Variants in RIT2 observed in about 807,000 individuals in gnomAD.
RIT2 encodes GTP-binding protein Rit2.
RIT2 carries 24 observed loss-of-function variants against 23.7 expected under a neutral mutation model. That is an observed-to-expected ratio of 1.01 (90% CI 0.73 to 1.43). The LOEUF (loss-of-function observed/expected upper bound fraction) is 1.43, where lower values mean the gene tolerates loss of function less well. Among genes scored for constraint, RIT2 ranks in the 40% most tolerant of loss-of-function variants. The pLI, the probability that RIT2 is intolerant of heterozygous loss-of-function variation, is 0.00. For synonymous variants in RIT2, 107 were observed against 91.1 expected, an observed-to-expected ratio of 1.17 and a Z score of -0.99; for missense variants, 236 against 266.9, an observed-to-expected ratio of 0.88 and a Z score of 0.81.
chr18:42,905,994 A>ATATATATATATACATATATATATATATG (rs1231373257), intron 4 of RIT2, among the ~76,000 whole-genome samples: 2 of 8,144 alleles, frequency 2.5e-4, no homozygotes, highest in Non-Finnish European at 1.7e-3. Context: ...ATATATATGT[A>ATATATATATATACATATATATATATATG]TATATATATA....
chr18:43,064,182 T>C (rs908834727), intron 1 of RIT2, among the ~76,000 whole-genome samples: 2 of 152,152 alleles, frequency 1.3e-5, no homozygotes, highest in Non-Finnish European at 2.9e-5. Flanking sequence ...CTTGGATTTG[T>C]TGAAGGAAAG....
intron 4 of RIT2, among the ~76,000 whole-genome samples, chr18:42,776,864 A>T (rs542497788): frequency 6.6e-6 from 1 of 152,214 alleles, no homozygotes; most frequent in Non-Finnish European, 1.5e-5. Context: ...TAACATTATC[A>T]GAGTTACATT....
rs1042272423 is a variant in RIT2, at chr18:43,019,797, C to T, written c.160+14014G>A. On this transcript the variant is annotated intron_variant, in intron 2 of 4. Transcript: ENST00000326695. ...TATATTTAGAAAACCCTAAAGACTC[C>T]GCTAGAATACACTTAGATCTGATAA... is the stretch of plus-strand genomic sequence containing the variant. Among the ~76,000 whole-genome samples the T allele has an allele frequency of 2.0e-4, 30 of 152,038 alleles. 1 individual carries two copies. The highest frequency in any genetic ancestry group is 5.5e-4 in the African/African-American group (23 of 41,500).
At position 42,981,416 on chromosome 18, in the gene RIT2, G is replaced by A. The variant is rs115241688; in HGVS notation, c.161-7269C>T. On this transcript the variant is annotated intron_variant, in intron 2 of 4. Transcript: ENST00000326695. ...CTTCATCCTCATCTGATGGACCCTCGGAGAGGATTCCAATGTACCTCTGAT... is the reference window on the plus strand; with the variant it reads ...CTTCATCCTCATCTGATGGACCCTCAGAGAGGATTCCAATGTACCTCTGAT... 6.1e-3 allele frequency among the ~76,000 whole-genome samples: 925 copies of A among 152,116 alleles called. 4 individuals are homozygous for A. The highest frequency in any genetic ancestry group is 0.021 in the African/African-American group (866 of 41,500).
chr18:42,980,238 C>T (rs193120645), intron 2 of RIT2, among the ~76,000 whole-genome samples: 15 of 152,136 alleles, frequency 9.9e-5, no homozygotes, highest in Non-Finnish European at 1.5e-5. Context: ...CCACAAGGAC[C>T]TAAACCCTAG....
At chr18:42,991,413 T>C (rs1417020670) in intron 2 of RIT2, among the ~76,000 whole-genome samples, 3 of 152,194 alleles carry the variant, frequency 2.0e-5, no homozygotes, top group East Asian at 3.9e-4. Context: ...GGAAGTGTAC[T>C]CTCAAAATTC....
intron 4 of RIT2, among the ~76,000 whole-genome samples, chr18:42,858,515 C>T (rs1257005117): frequency 6.6e-6 from 1 of 152,082 alleles, no homozygotes; most frequent in Non-Finnish European, 1.5e-5. Flanking sequence ...GGAAACTTGC[C>T]CCATTAGAAT....
chr18:42,858,253 T>G (rs554500037), intron 4 of RIT2, among the ~76,000 whole-genome samples: 4 of 152,240 alleles, frequency 2.6e-5, no homozygotes, highest in African/African-American at 9.6e-5. Context: ...TATCAGGTGA[T>G]AATATATGAA....
chr18:42,954,017 C>A (rs969770052), intron 3 of RIT2, among the ~76,000 whole-genome samples: 1 of 151,924 alleles, frequency 6.6e-6, no homozygotes, highest in Non-Finnish European at 1.5e-5. Flanking sequence ...TCTGAGGTTG[C>A]AAGAAAAATA....
At chr18:42,763,230 AG>A (rs1300325698) in intron 4 of RIT2, among the ~76,000 whole-genome samples, 1 of 152,212 alleles carries the variant, frequency 6.6e-6, no homozygotes, top group Non-Finnish European at 1.5e-5. Context: ...TGGGAGGCCA[AG>A]GCAGGTGGAT....
intron 2 of RIT2, among the ~76,000 whole-genome samples, chr18:42,985,413 T>A (rs1910687349): frequency 6.6e-6 from 1 of 152,146 alleles, no homozygotes; most frequent in Non-Finnish European, 1.5e-5. Context: ...CACCAACTGA[T>A]TCTAAATTTA....
chr18:42,903,786 C>T (rs1429937418), intron 4 of RIT2, among the ~76,000 whole-genome samples: 2 of 151,924 alleles, frequency 1.3e-5, no homozygotes, highest in African/African-American at 4.8e-5. Context: ...TACCTTGATG[C>T]CAAAATGGAC....
At chr18:42,957,929 T>C (rs914005387) in intron 3 of RIT2, among the ~76,000 whole-genome samples, 3 of 152,310 alleles carry the variant, frequency 2.0e-5, no homozygotes, top group South Asian at 2.1e-4. Flanking sequence ...AGTTCAGGTA[T>C]AGCAGAGTGC....
chr18:42,866,251 T>C (rs1367064385), intron 4 of RIT2, among the ~76,000 whole-genome samples: 3 of 152,200 alleles, frequency 2.0e-5, no homozygotes, highest in Admixed American at 6.5e-5. Flanking sequence ...TTGTTATCAA[T>C]CCTTAAGATA....
chr18:42,881,361 T>C (rs1701044730), intron 4 of RIT2, among the ~76,000 whole-genome samples: 1 of 152,202 alleles, frequency 6.6e-6, no homozygotes, highest in South Asian at 2.1e-4. Context: ...AGATTCAAAT[T>C]TTTACCCCTT....
At chr18:42,754,768 GGAT>G (rs1435684723) in intron 4 of RIT2, among the ~76,000 whole-genome samples, 1 of 152,146 alleles carries the variant, frequency 6.6e-6, no homozygotes, top group Non-Finnish European at 1.5e-5. Context: ...TATTTAATTT[GGAT>G]GATGATGAAA....
At chr18:43,031,113 A>G (rs1226694045) in intron 2 of RIT2, among the ~76,000 whole-genome samples, 2 of 150,402 alleles carry the variant, frequency 1.3e-5, no homozygotes, top group East Asian at 4.0e-4. Flanking sequence ...AAAATGCCCC[A>G]GCTTTGTCAC....
At chr18:42,945,740 A>C (rs1470491600) in intron 3 of RIT2, among the ~76,000 whole-genome samples, 2 of 152,098 alleles carry the variant, frequency 1.3e-5, no homozygotes, top group Non-Finnish European at 2.9e-5. Flanking sequence ...AGACTTGTGC[A>C]AGGACGCATC....
At position 42,907,146 on chromosome 18, in the gene RIT2, T is replaced by C. The variant is rs141878670; in HGVS notation, c.426+16426A>G. 6.1e-3 allele frequency among the ~76,000 whole-genome samples: 930 copies of C among 152,292 alleles called. 10 individuals are homozygous for C. Among genetic ancestry groups the C allele is most frequent in the African/African-American group, 0.022 (895 of 41,562 alleles). ...TGTTTCTGATTTTGTGTAAGCTAGT[T>C]TATCCCTTAATTAAGTGCATAGACT... On this transcript the variant is annotated intron_variant, in intron 4 of 4. Coordinates refer to ENST00000326695, the MANE Select transcript of RIT2 (RefSeq NM_002930.4).
Sources: gnomAD v4.1 joint callset for allele counts (sites outside exome capture counted in the v4.1 genomes callset) on GRCh38, gnomAD v4.1.1 for gene constraint, MANE v1.5 for transcripts, NCBI Gene and HGNC (gene_info 2026-07-23, HGNC 2026-07-21) for gene names.